The following AGBL1 variants were observed in gnomAD, a reference collection of about 807,000 sequenced individuals.
AGBL1 encodes the protein cytosolic carboxypeptidase 4.
In AGBL1, 130 loss-of-function variants were observed where a neutral mutation model predicts 118.9. The observed-to-expected ratio is 1.09, with a 90% CI of 0.95 to 1.26. The LOEUF is 1.26. AGBL1 is among the 50% of genes most tolerant of loss of function. The pLI, the probability that AGBL1 is intolerant of heterozygous loss-of-function variation, is 0.00. For missense variants in AGBL1, 1,584 were observed against 1,298.1 expected (o/e 1.22, Z -3.38); for synonymous variants, 555 against 478.9 (o/e 1.16, Z -2.08).
At chr15:86,734,870 A>T (rs989145924) in intron 22 of AGBL1, among the ~76,000 whole-genome samples, 1 of 152,116 alleles carries the variant, frequency 6.6e-6, no homozygotes, top group South Asian at 2.1e-4. Context: ...GAGTGAGCTG[A>T]TGGGGAATAT....
chr15:86,942,004 C>T (rs2080758326), intron 23 of AGBL1, among the ~76,000 whole-genome samples: 1 of 152,198 alleles, frequency 6.6e-6, no homozygotes. Context: ...GGATGAATAG[C>T]ACAGGCATCC....
intron 22 of AGBL1, among the ~76,000 whole-genome samples, chr15:86,773,327 C>T (rs577270091): frequency 2.6e-5 from 4 of 152,084 alleles, no homozygotes; most frequent in East Asian, 3.9e-4. Context: ...AACCAAGCCT[C>T]GAAGGATATG....
At position 86,529,504 on chromosome 15, in the gene AGBL1, G is replaced by A. The variant is rs1036972364; in HGVS notation, c.2685+6565G>A. 3.3e-3 allele frequency among the ~76,000 whole-genome samples: 443 copies of A among 134,498 alleles called. 14 individuals carry two copies. The highest frequency in any genetic ancestry group is 0.016 in the African/African-American group (410 of 26,324). 88.2% of individuals were successfully genotyped at this position (134,498 alleles called of 152,430 possible). On this transcript the variant is annotated intron_variant, in intron 19 of 22. Coordinates refer to ENST00000614907, the MANE Select transcript of AGBL1 (RefSeq NM_001386094.1). ...TGATTGGTGTACCTGAAAGTGATGC[G>A]GAGAATGGAACCAAATTGGAAAACA... is the stretch of plus-strand genomic sequence containing the variant.
chr15:86,612,907 G>A (rs1013280068), intron 21 of AGBL1, among the ~76,000 whole-genome samples: 2 of 152,038 alleles, frequency 1.3e-5, no homozygotes, highest in Admixed American at 6.6e-5. Context: ...CAATTCTTTC[G>A]ACCAATTGAC....
At chr15:86,804,845 A>G (rs1441097799) in intron 22 of AGBL1, among the ~76,000 whole-genome samples, 1 of 152,162 alleles carries the variant, frequency 6.6e-6, no homozygotes, top group Non-Finnish European at 1.5e-5. Context: ...TGGAAGAATT[A>G]TTTTCCAAAC....
At chr15:86,688,220 T>C (rs1862121810) in intron 22 of AGBL1, among the ~76,000 whole-genome samples, 2 of 151,922 alleles carry the variant, frequency 1.3e-5, no homozygotes, top group African/African-American at 4.8e-5. Flanking sequence ...CCTTGGATGC[T>C]GCTTTCTTCA....
chr15:86,401,653 C>T (rs1156452799), intron 18 of AGBL1, among the ~76,000 whole-genome samples: 1 of 152,062 alleles, frequency 6.6e-6, no homozygotes, highest in Non-Finnish European at 1.5e-5. Flanking sequence ...GATCTAGTTT[C>T]CTTCTTCTAC....
At chr15:86,650,912 T>C (rs569676425) in intron 21 of AGBL1, among the ~76,000 whole-genome samples, 1 of 152,344 alleles carries the variant, frequency 6.6e-6, no homozygotes, top group Admixed American at 6.5e-5. Flanking sequence ...GGGATTTCAT[T>C]GACTTCACAG....
chr15:86,339,040 G>A (rs1380335155), intron 17 of AGBL1, among the ~76,000 whole-genome samples: 1 of 151,800 alleles, frequency 6.6e-6, no homozygotes, highest in South Asian at 2.1e-4. Flanking sequence ...TAATATGATT[G>A]TGTGATTTTT....
At chr15:86,935,141 C>T (rs1218743244) in intron 23 of AGBL1, 2 of 152,088 alleles carry the variant, frequency 1.3e-5, no homozygotes, top group Non-Finnish European at 1.5e-5. Context: ...ATTTTCTCCC[C>T]GATTCCTCTC....
chr15:86,210,546 T>C (rs2078075049), intron 5 of AGBL1, among the ~76,000 whole-genome samples: 1 of 152,184 alleles, frequency 6.6e-6, no homozygotes, highest in African/African-American at 2.4e-5. Context: ...CTTCTCCTCT[T>C]GCTTTAGTTC....
At chr15:86,337,299 T>A (rs1003797911) in intron 17 of AGBL1, among the ~76,000 whole-genome samples, 1 of 152,114 alleles carries the variant, frequency 6.6e-6, no homozygotes, top group African/African-American at 2.4e-5. Flanking sequence ...CAGTGCACTG[T>A]CTTGTATTAC....
At chr15:86,216,892 G>A (rs879800029) in intron 5 of AGBL1, among the ~76,000 whole-genome samples, 8 of 152,136 alleles carry the variant, frequency 5.3e-5, no homozygotes, top group African/African-American at 1.7e-4. Flanking sequence ...CCATCTCACT[G>A]TTCCTTGAAC....
chr15:86,773,283 G>T (rs1269147287), intron 22 of AGBL1, among the ~76,000 whole-genome samples: 1 of 152,026 alleles, frequency 6.6e-6, no homozygotes, highest in Non-Finnish European at 1.5e-5. Context: ...GGGTACGGAG[G>T]AGGCACTCCT....
intron 22 of AGBL1, among the ~76,000 whole-genome samples, chr15:86,707,044 C>T (rs2086463023): frequency 6.6e-6 from 1 of 152,214 alleles, no homozygotes; most frequent in East Asian, 1.9e-4. Context: ...ATAATGTGAA[C>T]AACTCAACAT....
At chr15:86,476,939 G>T (rs2082568326) in intron 18 of AGBL1, among the ~76,000 whole-genome samples, 1 of 152,112 alleles carries the variant, frequency 6.6e-6, no homozygotes, top group Non-Finnish European at 1.5e-5. Context: ...ACTCAAAACT[G>T]CTCCACTACA....
intron 17 of AGBL1, among the ~76,000 whole-genome samples, chr15:86,322,424 C>T (rs74027506): frequency 0.012 from 1,803 of 152,002 alleles, 43 homozygotes; most frequent in African/African-American, 0.042. Flanking sequence ...ACCTTAAATG[C>T]CTTAAAGGGC....
intron 22 of AGBL1, among the ~76,000 whole-genome samples, chr15:86,743,854 A>G (rs2077716586): frequency 6.6e-6 from 1 of 151,856 alleles, no homozygotes; most frequent in Admixed American, 6.6e-5. Context: ...AGTGTATCTG[A>G]TCACACACCC....
chr15:86,707,532 T>C (rs2086474501), intron 22 of AGBL1, among the ~76,000 whole-genome samples: 1 of 152,126 alleles, frequency 6.6e-6, no homozygotes, highest in African/African-American at 2.4e-5. Flanking sequence ...AGATACTACA[T>C]TGTAGAAATG....
Sources: gnomAD v4.1 joint callset for allele counts (sites outside exome capture counted in the v4.1 genomes callset) on GRCh38, gnomAD v4.1.1 for gene constraint, MANE v1.5 for transcripts, NCBI Gene and HGNC (gene_info 2026-07-23, HGNC 2026-07-21) for gene names.